Variants in RORB observed in about 807,000 individuals in gnomAD.
The protein encoded by RORB is nuclear receptor ROR-beta.
In RORB, 6 loss-of-function variants were observed where a neutral mutation model predicts 59.1. That is an observed-to-expected ratio of 0.10 (90% CI 0.06 to 0.20). RORB has a LOEUF of 0.20. Among genes scored for constraint, RORB ranks in the 10% least tolerant of loss-of-function variants. RORB has a pLI of 1.00. For synonymous variants in RORB, 215 were observed against 204.5 expected (o/e 1.05, Z -0.44); for missense variants, 320 against 560.5 (o/e 0.57, Z 4.33).
chr9:74,586,168 C>A (rs1822796060), intron 1 of RORB, among the ~76,000 whole-genome samples: 1 of 151,652 alleles, frequency 6.6e-6, no homozygotes, highest in Admixed American at 6.6e-5. Context: ...ATGTTAATGG[C>A]ATATAAAATC....
chr9:74,679,599 T>C (rs1452717666), intron 9 of RORB, among the ~76,000 whole-genome samples: 2 of 152,166 alleles, frequency 1.3e-5, no homozygotes, highest in Non-Finnish European at 2.9e-5. Context: ...ACGTGCCAGG[T>C]GCAAGGAGAC....
At chr9:74,608,433 G>A (rs960494721) in intron 1 of RORB, among the ~76,000 whole-genome samples, 2 of 151,804 alleles carry the variant, frequency 1.3e-5, no homozygotes, top group Non-Finnish European at 1.5e-5. Flanking sequence ...GCGTGGTGGC[G>A]GGCACCTGTA....
intron 1 of RORB, among the ~76,000 whole-genome samples, chr9:74,593,781 G>A (rs894798573): frequency 3.9e-5 from 6 of 152,082 alleles, no homozygotes; most frequent in African/African-American, 1.4e-4. Context: ...AGCAAACAGA[G>A]GAACAGAGAC....
intron 9 of RORB, among the ~76,000 whole-genome samples, chr9:74,678,200 G>A (rs879540901): frequency 2.0e-5 from 3 of 152,172 alleles, no homozygotes; most frequent in Non-Finnish European, 4.4e-5. Context: ...GCTTCTAAGT[G>A]GGAGAGCCAG....
intron 1 of RORB, among the ~76,000 whole-genome samples, chr9:74,563,217 G>A (rs1461136226): frequency 7.5e-6 from 1 of 133,466 alleles, no homozygotes; most frequent in Non-Finnish European, 1.5e-5. Context: ...ATGGAGTCTC[G>A]CTCTGTCGCC....
intron 1 of RORB, among the ~76,000 whole-genome samples, chr9:74,502,504 C>T (rs909931594): frequency 4.6e-5 from 7 of 151,866 alleles, no homozygotes; most frequent in African/African-American, 1.7e-4. Flanking sequence ...TACAATAGTT[C>T]TAAGATATAA....
At chr9:74,513,620 C>T (rs1343964709) in intron 1 of RORB, among the ~76,000 whole-genome samples, 1 of 151,532 alleles carries the variant, frequency 6.6e-6, no homozygotes, top group African/African-American at 2.4e-5. Flanking sequence ...AACCTAGTAA[C>T]TAATAAAAGA....
At chr9:74,654,908 G>A (rs1824055797) in intron 4 of RORB, among the ~76,000 whole-genome samples, 1 of 152,162 alleles carries the variant, frequency 6.6e-6, no homozygotes, top group Admixed American at 6.5e-5. Context: ...AAGAGAGAAA[G>A]TGATAGCAAG....
intron 9 of RORB, 73 bp from the exon 10 acceptor site, chr9:74,685,390 G>C: frequency 8.0e-7 from 1 of 1,248,298 alleles, no homozygotes; most frequent in East Asian, 2.6e-5. Context: ...GGGCCAGAAA[G>C]GACACTGGTT....
At chr9:74,569,695 T>C (rs1454538841) in intron 1 of RORB, among the ~76,000 whole-genome samples, 1 of 152,136 alleles carries the variant, frequency 6.6e-6, no homozygotes, top group Non-Finnish European at 1.5e-5. Context: ...ATTAAAAAAT[T>C]TGAAATTTGG....
chr9:74,630,103 A>T (rs2118413630), intron 1 of RORB, 179 bp from the exon 2 acceptor site: 1 of 328,236 alleles, frequency 3.0e-6, no homozygotes, highest in Non-Finnish European at 4.4e-6. Flanking sequence ...ATGTACTTTG[A>T]CTTAGAAGAA....
At chr9:74,574,694 A>G (rs1305710202) in intron 1 of RORB, among the ~76,000 whole-genome samples, 1 of 152,148 alleles carries the variant, frequency 6.6e-6, no homozygotes, top group Non-Finnish European at 1.5e-5. Context: ...TAAATTGACC[A>G]TGTAACCCTG....
chr9:74,640,970 G>A (rs1823793734), intron 3 of RORB, among the ~76,000 whole-genome samples: 1 of 152,176 alleles, frequency 6.6e-6, no homozygotes, highest in East Asian at 1.9e-4. Context: ...TCACCATTTA[G>A]ATATTCTCAG....
chr9:74,525,650 G>A (rs182370801), intron 1 of RORB, among the ~76,000 whole-genome samples: 5 of 151,898 alleles, frequency 3.3e-5, no homozygotes, highest in East Asian at 3.9e-4. Context: ...GTGGGAAACC[G>A]GATTTAAGTT....
At position 74,549,460 on chromosome 9, in the gene RORB, AAG is replaced by A. The variant is rs1240900740; in HGVS notation, c.7+51492_7+51493del. On this transcript the variant is annotated intron_variant, in intron 1 of 9. Coordinates refer to ENST00000376896, the MANE Select transcript of RORB (RefSeq NM_006914.4). ...TTCCGTCAAAAAAAAAAAAAGAAGA[AAG>A]AGAGAGAGAGAGAGGTAGGGAGGGA... 1.3e-4 allele frequency among the ~76,000 whole-genome samples: 17 copies of A among 134,304 alleles called. 3 individuals carry two copies. The highest frequency in any genetic ancestry group is 2.5e-4 in the African/African-American group (9 of 35,382). 88.1% of individuals were successfully genotyped at this position (134,304 alleles called of 152,430 possible).
At chr9:74,572,856 TTTCCC>T (rs1822573470) in intron 1 of RORB, among the ~76,000 whole-genome samples, 1 of 152,144 alleles carries the variant, frequency 6.6e-6, no homozygotes, top group South Asian at 2.1e-4. Flanking sequence ...TATTCCCAAT[TTTCCC>T]TTCGTGTGTG....
chr9:74,565,446 G>A (rs192545953), intron 1 of RORB, among the ~76,000 whole-genome samples: 43 of 152,142 alleles, frequency 2.8e-4, no homozygotes, highest in African/African-American at 7.5e-4. Context: ...GATGAGTTTC[G>A]TCACTGTTCA....
chr9:74,676,990 G>GT (rs1430860669), intron 9 of RORB, among the ~76,000 whole-genome samples: 6 of 152,158 alleles, frequency 3.9e-5, no homozygotes, highest in African/African-American at 1.4e-4. Context: ...AGATCGTTTG[G>GT]TTGATTCACT....
chr9:74,580,019 ATTG>A (rs1822697459), intron 1 of RORB, among the ~76,000 whole-genome samples: 1 of 152,116 alleles, frequency 6.6e-6, no homozygotes, highest in Non-Finnish European at 1.5e-5. Flanking sequence ...CTATTTTATT[ATTG>A]TTGTTTATTA....
Sources: gnomAD v4.1 joint callset for allele counts (sites outside exome capture counted in the v4.1 genomes callset) on GRCh38, gnomAD v4.1.1 for gene constraint, MANE v1.5 for transcripts, NCBI Gene and HGNC (gene_info 2026-07-23, HGNC 2026-07-21) for gene names.